CNTLN: variants seen among roughly 807,000 people sequenced by gnomAD.
The protein encoded by CNTLN is centlein.
CNTLN carries 212 observed loss-of-function variants against 180.0 expected under a neutral mutation model. That is an observed-to-expected ratio of 1.18 (90% CI 1.05 to 1.32). CNTLN has a LOEUF of 1.32. Among genes scored for constraint, CNTLN ranks in the 40% most tolerant of loss-of-function variants. CNTLN has a pLI of 0.00. For synonymous variants in CNTLN, 722 were observed against 563.1 expected, an observed-to-expected ratio of 1.28 and a Z score of -3.99; for missense variants, 2,095 against 1,610.9, an observed-to-expected ratio of 1.30 and a Z score of -5.14.
Position 17,502,593 on chromosome 9 carries a change from A to G in CNTLN, c.4162A>G (p.Ile1388Val), listed in dbSNP as rs756863989. The G allele has an allele frequency of 7.0e-7, 1 of 1,418,586 alleles. No homozygotes were observed. The highest frequency in any genetic ancestry group is 9.6e-7 in the Non-Finnish European group (1 of 1,037,822). 87.9% of individuals were successfully genotyped at this position (1,418,586 alleles called of 1,614,324 possible). ...TTTACTAGAAGCAGTACTGGAAAAA[A>G]TAAATGAAAAAAAGAAACTAGTTGA... is the stretch of plus-strand genomic sequence containing the variant. The part of the protein sequence containing the change: ...SYLLEAVLEK[I>V]NEKKKLVEGY... Residue 1388 changes from isoleucine (I) to valine (V), a missense_variant, in exon 26 of 26, where the codon ATA becomes GTA. Ile to Val is a conservative substitution (Grantham distance 29). Coordinates refer to ENST00000380647, the MANE Select transcript of CNTLN (RefSeq NM_017738.4).
At chr9:17,158,226 C>A (rs1031231388) in intron 2 of CNTLN, among the ~76,000 whole-genome samples, 2 of 152,108 alleles carry the variant, frequency 1.3e-5, no homozygotes, top group African/African-American at 2.4e-5. Context: ...GTTAACTCAA[C>A]CTTGCATCTG....
chr9:17,474,778 G>T (rs1175943933), intron 23 of CNTLN, among the ~76,000 whole-genome samples: 1 of 151,638 alleles, frequency 6.6e-6, no homozygotes, highest in African/African-American at 2.4e-5. Context: ...TGAGGCAGGA[G>T]AATTGCTTGA....
At chr9:17,386,682 C>T (rs1193988401) in intron 13 of CNTLN, among the ~76,000 whole-genome samples, 3 of 152,198 alleles carry the variant, frequency 2.0e-5, no homozygotes, top group African/African-American at 7.2e-5. Flanking sequence ...AGCCAATCTA[C>T]CAGTGGACCT....
At chr9:17,417,480 A>G (rs568026418) in intron 18 of CNTLN, among the ~76,000 whole-genome samples, 1 of 152,190 alleles carries the variant, frequency 6.6e-6, no homozygotes, top group South Asian at 2.1e-4. Context: ...CTCAACTTTA[A>G]TTGTTCAATC....
At chr9:17,513,047 C>T in the CNTLN span, among the ~76,000 whole-genome samples, 1 of 152,134 alleles carries the variant, frequency 6.6e-6, no homozygotes, top group Non-Finnish European at 1.5e-5. Context: ...TCTCAAACTC[C>T]TGACCTCGTG....
chr9:17,254,011 T>A (rs1171243664), intron 5 of CNTLN, among the ~76,000 whole-genome samples: 2 of 151,706 alleles, frequency 1.3e-5, no homozygotes, highest in Non-Finnish European at 3.0e-5. Flanking sequence ...TATCATGATT[T>A]TTCTGTATTA....
At chr9:17,256,166 C>G (rs1047834496) in intron 5 of CNTLN, among the ~76,000 whole-genome samples, 6 of 151,844 alleles carry the variant, frequency 4.0e-5, no homozygotes, top group Non-Finnish European at 8.8e-5. Flanking sequence ...TATTGATGGT[C>G]ACCTAGGTTG....
At chr9:17,330,859 CA>C in intron 9 of CNTLN, 51 bp downstream of exon 9, 1 of 1,504,984 alleles carries the variant, frequency 6.6e-7, no homozygotes, top group Non-Finnish European at 9.0e-7. Flanking sequence ...GCTGGAAAGA[CA>C]AGAGATGAAG....
In CNTLN at chr9:17,197,290, T is replaced by C. The variant is rs562134411; in HGVS notation, c.450-28913T>C. Among the ~76,000 whole-genome samples the C allele has an allele frequency of 2.0e-5, 3 of 152,340 alleles. No homozygotes were observed. In the East Asian group the frequency reaches 5.8e-4, roughly 29 times the overall value. On this transcript the variant is annotated intron_variant, in intron 2 of 25. Coordinates refer to ENST00000380647, the MANE Select transcript of CNTLN (RefSeq NM_017738.4). ...GAGTTCCCTTTTCTCCACATCCTTG[T>C]CAGCATTTGTAATTGTCTGACTTCT...
chr9:17,315,546 A>T (rs1239644781), intron 8 of CNTLN, among the ~76,000 whole-genome samples: 2 of 151,992 alleles, frequency 1.3e-5, no homozygotes, highest in African/African-American at 4.8e-5. Context: ...TTTGTGGTAA[A>T]AATGTCTTCA....
intron 5 of CNTLN, among the ~76,000 whole-genome samples, chr9:17,242,944 G>A (rs774753662): frequency 1.3e-5 from 2 of 152,126 alleles, no homozygotes; most frequent in Non-Finnish European, 2.9e-5. Flanking sequence ...TAAAAGTTTG[G>A]TAGAAATCAG....
rs1825114281 is a variant in CNTLN at position 17,235,913 on chromosome 9, G to T, written c.669+121G>T. The T allele has an allele frequency of 6.2e-5, 55 of 885,564 alleles. No homozygotes were observed. The East Asian group carries it at 1.6e-3, about 25-fold the overall frequency. The allele number at this position is 885,564 out of a possible 1,614,324, so 54.9% of individuals were successfully genotyped here. Reference sequence around the variant, plus strand: ...AGGAAAAATTGCCTTAGGCCCTCCTGTACCATACAGTTTTCTCACATGCAA... The same window carrying T: ...AGGAAAAATTGCCTTAGGCCCTCCTTTACCATACAGTTTTCTCACATGCAA... On this transcript the variant is annotated intron_variant, in intron 4 of 25. Transcript: ENST00000380647.
In CNTLN at chr9:17,297,974, A is replaced by G. The variant is rs186109029; in HGVS notation, c.984-216A>G. On this transcript the variant is annotated intron_variant, in intron 6 of 25. Transcript: ENST00000380647. Reference sequence around the variant, plus strand: ...AAGCTACAAAAGAAAATTAATATGTATCTGGCTTTGAAAGTCATAGTCGTT... The same window carrying G: ...AAGCTACAAAAGAAAATTAATATGTGTCTGGCTTTGAAAGTCATAGTCGTT... Among the ~76,000 whole-genome samples, 812 of 152,328 alleles carry G rather than the reference A, an allele frequency of 5.3e-3. 5 individuals carry two copies. The highest frequency in any genetic ancestry group is 9.3e-3 in the Admixed American group (142 of 15,302).
At chr9:17,239,313 T>C (rs1825345799) in intron 5 of CNTLN, among the ~76,000 whole-genome samples, 1 of 152,230 alleles carries the variant, frequency 6.6e-6, no homozygotes, top group South Asian at 2.1e-4. Context: ...CATCTTTTCA[T>C]GTATTACTAT....
chr9:17,370,179 A>G (rs1224023829), intron 13 of CNTLN, among the ~76,000 whole-genome samples: 1 of 152,194 alleles, frequency 6.6e-6, no homozygotes, highest in African/African-American at 2.4e-5. Context: ...AAACCTAGCA[A>G]AAGATAACAA....
intron 5 of CNTLN, among the ~76,000 whole-genome samples, chr9:17,268,606 G>C (rs939741995): frequency 6.6e-6 from 1 of 152,164 alleles, no homozygotes; most frequent in African/African-American, 2.4e-5. Flanking sequence ...GGTTACTGCT[G>C]TCTTTTTGTT....
At chr9:17,382,577 A>G (rs13283291) in intron 13 of CNTLN, among the ~76,000 whole-genome samples, 42,990 of 152,140 alleles carry the variant, frequency 0.28, 6,204 homozygotes, top group South Asian at 0.44. Flanking sequence ...AATTTAATGC[A>G]CAGTCATTAA....
intron 16 of CNTLN, among the ~76,000 whole-genome samples, chr9:17,412,085 C>T (rs1216458429): frequency 6.6e-6 from 1 of 150,564 alleles, no homozygotes; most frequent in Non-Finnish European, 1.5e-5. Context: ...CCTCCATTAT[C>T]CAGCCATGAT....
At chr9:17,222,462 C>T (rs1563897044) in intron 2 of CNTLN, among the ~76,000 whole-genome samples, 1 of 152,062 alleles carries the variant, frequency 6.6e-6, no homozygotes, top group South Asian at 2.1e-4. Context: ...GTACTGTTCT[C>T]GTGGTAGTGA....
Sources: gnomAD v4.1 joint callset for allele counts (sites outside exome capture counted in the v4.1 genomes callset) on GRCh38, gnomAD v4.1.1 for gene constraint, MANE v1.5 for transcripts, NCBI Gene and HGNC (gene_info 2026-07-23, HGNC 2026-07-21) for gene names.